CPEB3: variants seen among roughly 807,000 people sequenced by gnomAD.
CPEB3 encodes the protein cytoplasmic polyadenylation element-binding protein 3.
Under a neutral mutation model 67.2 loss-of-function variants are expected in CPEB3, and 20 were observed. The ratio of observed to expected loss-of-function variants is 0.30; its 90% CI spans 0.21 to 0.43. CPEB3 has a LOEUF of 0.43. Ranked by LOEUF, CPEB3 falls within the 20% of genes least tolerant of loss-of-function variation. The probability of loss-of-function intolerance (pLI) is 1.00; values close to 1 mark genes in which losing one functional copy is unlikely to be tolerated. For synonymous variants in CPEB3, 376 were observed against 393.1 expected (o/e 0.96, Z 0.51); for missense variants, 746 against 968.6 (o/e 0.77, Z 3.05).
At chr10:92,104,087 T>C (rs1258893399) in intron 7 of CPEB3, among the ~76,000 whole-genome samples, 1 of 152,240 alleles carries the variant, frequency 6.6e-6, no homozygotes, top group African/African-American at 2.4e-5. Context: ...CAAATGTATA[T>C]ATTGTAAGAC....
At chr10:92,281,868 G>T (rs1590615886) in intron 1 of CPEB3, among the ~76,000 whole-genome samples, 1 of 152,208 alleles carries the variant, frequency 6.6e-6, no homozygotes, top group Middle Eastern at 3.4e-3. Flanking sequence ...ATCTACTGTT[G>T]CCGGTGCCAT....
intron 7 of CPEB3, 123 bp downstream of exon 7, chr10:92,110,953 A>G (rs1250767809): frequency 1.0e-5 from 8 of 769,968 alleles, no homozygotes; most frequent in Non-Finnish European, 1.9e-5. Context: ...TCTACTGCAT[A>G]GCAAGGCCAA....
intron 7 of CPEB3, among the ~76,000 whole-genome samples, chr10:92,108,517 T>C (rs1043530976): frequency 6.6e-6 from 1 of 151,838 alleles, no homozygotes; most frequent in African/African-American, 2.4e-5. Context: ...GCCAAAAGAG[T>C]AGAACCCAAA....
At chr10:92,166,515 G>C (rs1847754026) in intron 4 of CPEB3, among the ~76,000 whole-genome samples, 1 of 152,156 alleles carries the variant, frequency 6.6e-6, no homozygotes, top group African/African-American at 2.4e-5. Flanking sequence ...CAACATTACT[G>C]TCCGGTTCAT....
intron 4 of CPEB3, among the ~76,000 whole-genome samples, chr10:92,152,206 C>CT (rs1216609125): frequency 6.6e-6 from 1 of 152,128 alleles, no homozygotes; most frequent in African/African-American, 2.4e-5. Context: ...TGCCTCAAGC[C>CT]TTTTTTTAAA....
At chr10:92,116,555 T>TAA (rs78774347) in intron 6 of CPEB3, among the ~76,000 whole-genome samples, 431 of 148,262 alleles carry the variant, frequency 2.9e-3, no homozygotes, top group Non-Finnish European at 4.6e-3. Context: ...TGAAAGGTAT[T>TAA]AAAAAAAAAA....
chr10:92,243,310 T>A (rs1851927332), intron 1 of CPEB3: 1 of 152,174 alleles, frequency 6.6e-6, no homozygotes, highest in Non-Finnish European at 1.5e-5. Context: ...CACAGGGAAC[T>A]GTGGGGGCTG....
intron 2 of CPEB3, among the ~76,000 whole-genome samples, chr10:92,211,761 T>A (rs1191815517): frequency 6.6e-6 from 1 of 151,914 alleles, no homozygotes; most frequent in African/African-American, 2.4e-5. Flanking sequence ...TAGGCTGGTT[T>A]TGAACTCCTG....
At chr10:92,270,205 T>A (rs1335769959) in intron 1 of CPEB3, among the ~76,000 whole-genome samples, 1 of 152,168 alleles carries the variant, frequency 6.6e-6, no homozygotes, top group East Asian at 1.9e-4. Flanking sequence ...TTCAATCAAT[T>A]CCATGATGAA....
intron 3 of CPEB3, among the ~76,000 whole-genome samples, chr10:92,185,477 T>C (rs976268820): frequency 1.3e-5 from 2 of 148,786 alleles, no homozygotes; most frequent in African/African-American, 4.9e-5. Flanking sequence ...ACACTAGTTA[T>C]AAAAAAAAAA....
intron 4 of CPEB3, among the ~76,000 whole-genome samples, chr10:92,156,168 A>G (rs1847199708): frequency 6.6e-6 from 1 of 152,182 alleles, no homozygotes; most frequent in Non-Finnish European, 1.5e-5. Flanking sequence ...AGAGGAAAAC[A>G]CTGTCTGCAA....
At chr10:92,167,585 C>T (rs962979884) in intron 4 of CPEB3, among the ~76,000 whole-genome samples, 11 of 152,122 alleles carry the variant, frequency 7.2e-5, no homozygotes, top group African/African-American at 2.7e-4. Context: ...CCTACAAGTG[C>T]AGTTCATGGC....
intron 1 of CPEB3, among the ~76,000 whole-genome samples, chr10:92,249,766 T>TC (rs967566588): frequency 6.6e-6 from 1 of 152,104 alleles, no homozygotes; most frequent in African/African-American, 2.4e-5. Context: ...ATGCCTGTAT[T>TC]CCCAGCACTT....
chr10:92,211,943 T>C (rs1161376320), intron 2 of CPEB3, among the ~76,000 whole-genome samples: 1 of 151,616 alleles, frequency 6.6e-6, no homozygotes, highest in Non-Finnish European at 1.5e-5. Context: ...CTCGACTCAC[T>C]GCAACCTCCA....
chr10:92,133,416 T>C (rs1845937734), intron 6 of CPEB3, among the ~76,000 whole-genome samples: 1 of 152,148 alleles, frequency 6.6e-6, no homozygotes, highest in Non-Finnish European at 1.5e-5. Context: ...CTAGAAAATG[T>C]AGAAGAAATG....
intron 9 of CPEB3, among the ~76,000 whole-genome samples, chr10:92,069,785 A>G (rs1353185579): frequency 1.3e-5 from 2 of 152,212 alleles, no homozygotes; most frequent in African/African-American, 4.8e-5. Flanking sequence ...ATGAAGCTAA[A>G]ATAGAGTCAC....
At chr10:92,078,029 C>T (rs1458037632) in intron 9 of CPEB3, among the ~76,000 whole-genome samples, 1 of 152,124 alleles carries the variant, frequency 6.6e-6, no homozygotes, top group Non-Finnish European at 1.5e-5. Flanking sequence ...TTCTTGTGCC[C>T]ACTGCAACAG....
intron 9 of CPEB3, among the ~76,000 whole-genome samples, chr10:92,074,459 C>T (rs1000906606): frequency 2.6e-5 from 4 of 152,114 alleles, no homozygotes. Flanking sequence ...TTTAATGCTA[C>T]AAATGAATGG....
intron 9 of CPEB3, among the ~76,000 whole-genome samples, chr10:92,061,418 T>TCAAA (rs998171763): frequency 1.8e-4 from 10 of 54,156 alleles, no homozygotes; most frequent in Non-Finnish European, 2.8e-4. Flanking sequence ...AAATTCTGTC[T>TCAAA]CAAAAAAAAA....
Sources: allele counts gnomAD v4.1 joint callset (sites outside exome capture counted in the v4.1 genomes callset), GRCh38; gene constraint gnomAD v4.1.1; transcripts MANE v1.5; gene names NCBI Gene and HGNC (gene_info 2026-07-23, HGNC 2026-07-21).